The following CPEB4 variants were observed in gnomAD, a reference collection of about 807,000 sequenced individuals.
CPEB4 encodes cytoplasmic polyadenylation element binding protein 4, also known as cytoplasmic polyadenylation element-binding protein 4.
In CPEB4, 12 loss-of-function variants were observed where a neutral mutation model predicts 72.5. The observed-to-expected ratio is 0.17, with a 90% CI of 0.11 to 0.27. CPEB4 has a LOEUF of 0.27. Ranked by LOEUF, CPEB4 falls within the 10% of genes least tolerant of loss-of-function variation. CPEB4 has a pLI of 1.00. For synonymous variants in CPEB4, 302 were observed against 326.3 expected, an observed-to-expected ratio of 0.93 and a Z score of 0.80; for missense variants, 614 against 908.5, an observed-to-expected ratio of 0.68 and a Z score of 4.17.
chr5:173,937,960 G>A (rs778692943), intron 3 of CPEB4, among the ~76,000 whole-genome samples: 9 of 152,212 alleles, frequency 5.9e-5, no homozygotes, highest in Non-Finnish European at 1.3e-4. Context: ...TTTTGTGGCA[G>A]TGAGCCTATT....
At chr5:173,948,766 T>C (rs1323247731) in intron 5 of CPEB4, among the ~76,000 whole-genome samples, 1 of 152,154 alleles carries the variant, frequency 6.6e-6, no homozygotes, top group Non-Finnish European at 1.5e-5. Context: ...GGTGAGGGCC[T>C]GCTTCCTAAT....
At position 173,950,785 on chromosome 5, in the gene CPEB4, A is replaced by G. The variant is rs1464856582; in HGVS notation, c.1665+707A>G. 6.6e-6 allele frequency among the ~76,000 whole-genome samples: 1 copy of G among 152,152 alleles called. No individual in the cohort carries two copies. Among genetic ancestry groups the G allele is most frequent in the Non-Finnish European group, 1.5e-5 (1 of 68,020 alleles). ...TACCCAATATTATCCTTAACTTTAT[A>G]TATGGTACTCTCCAAAGTAGACTGA... On this transcript the variant is annotated intron_variant, in intron 7 of 9. Coordinates refer to ENST00000265085, the MANE Select transcript of CPEB4 (RefSeq NM_030627.4). This position sits in a 1 kb window ranked among gnomAD's most constrained non-coding sequence, Gnocchi z 5.0.
chr5:173,944,874 T>A (rs765265748), intron 4 of CPEB4, 93 bp from the exon 5 acceptor site: 45 of 1,088,712 alleles, frequency 4.1e-5, no homozygotes, highest in Non-Finnish European at 5.8e-5. Context: ...AAGCAGCAGT[T>A]TTATTGAATC....
chr5:173,937,378 G>C (rs1000863278), intron 3 of CPEB4, among the ~76,000 whole-genome samples: 13 of 152,112 alleles, frequency 8.5e-5, no homozygotes, highest in African/African-American at 2.9e-4. Flanking sequence ...GGAATGAAAA[G>C]AGGAAGATTG....
chr5:173,944,817 A>G, intron 4 of CPEB4, 150 bp from the exon 5 acceptor site: 1 of 643,276 alleles, frequency 1.6e-6, no homozygotes, highest in East Asian at 2.7e-5. Flanking sequence ...GTTGGTGGGA[A>G]TTCAAGAGTA....
chr5:173,936,902 A>G (rs1483568260), intron 3 of CPEB4, among the ~76,000 whole-genome samples: 2 of 151,816 alleles, frequency 1.3e-5, no homozygotes, highest in African/African-American at 4.8e-5. Flanking sequence ...GGCAGGAGAA[A>G]GTTATAGAGC....
chr5:173,946,005 A>G (rs765987756), intron 5 of CPEB4, among the ~76,000 whole-genome samples: 1 of 152,224 alleles, frequency 6.6e-6, no homozygotes, highest in Non-Finnish European at 1.5e-5. Flanking sequence ...AAATCACATT[A>G]TGGAGAATAG....
In CPEB4 at chr5:173,888,368, A is replaced by G. The variant is rs1581098750; in HGVS notation, c.-1366A>G. The G allele has an allele frequency of 4.5e-6, 2 of 443,768 alleles. No homozygotes were observed. The highest frequency in any genetic ancestry group is 7.0e-5 in the East Asian group (2 of 28,742). The allele number at this position is 443,768 out of a possible 1,614,324, so 27.5% of individuals were successfully genotyped here. ...CATTTCACTCGGCTCGGTCCTGAGG[A>G]GAAGGACTCAGCCGCGGCTGCGGGA... On this transcript the variant is annotated 5_prime_UTR_variant, in exon 1 of 10. Transcript: ENST00000265085. The surrounding 1 kb of genome is among the most constrained non-coding windows in gnomAD (Gnocchi z 4.3).
chr5:173,905,871 A>C (rs1372591278), intron 1 of CPEB4, among the ~76,000 whole-genome samples: 1 of 152,246 alleles, frequency 6.6e-6, no homozygotes, highest in East Asian at 1.9e-4. Flanking sequence ...GGACAGGGAC[A>C]TCAGAGATCC....
Position 173,960,400 on chromosome 5 carries a change from T to G in CPEB4, c.*4263T>G, listed in dbSNP as rs1758511379. On this transcript the variant is annotated 3_prime_UTR_variant, in exon 10 of 10. Coordinates refer to ENST00000265085, the MANE Select transcript of CPEB4 (RefSeq NM_030627.4). The stretch of plus-strand genomic sequence containing the variant: ...ACATTTTAAAATATTAGGAATATAC[T>G]GTTCAGCTAATGCAGCACAAACCAA... 6.5e-6 allele frequency: 1 copy of G among 152,690 alleles called. No homozygotes were observed. The highest frequency in any genetic ancestry group is 2.1e-4 in the South Asian group (1 of 4,832). The allele number at this position is 152,690 out of a possible 1,614,324, so 9.5% of individuals were successfully genotyped here.
rs568180902 is a variant in CPEB4, at chr5:173,930,819, C to G, written c.1208-1631C>G. On this transcript the variant is annotated intron_variant, in intron 2 of 9. Transcript: ENST00000265085. ...CTGGCTAACACAGTGAAACCCCGTC[C>G]CTACTAAAAATACAAAAAAATTAGC... Among the ~76,000 whole-genome samples the G allele has an allele frequency of 2.0e-5, 3 of 151,454 alleles. No individual in the cohort carries two copies. The South Asian group carries it at 6.3e-4, about 32-fold the overall frequency.
chr5:173,938,776 G>C (rs1443148214), intron 3 of CPEB4, among the ~76,000 whole-genome samples: 1 of 152,160 alleles, frequency 6.6e-6, no homozygotes, highest in Admixed American at 6.5e-5. Flanking sequence ...ATGTAGGAAA[G>C]TATGCTTTTG....
At chr5:173,908,510 T>A (rs1022123224) in intron 1 of CPEB4, among the ~76,000 whole-genome samples, 1 of 152,208 alleles carries the variant, frequency 6.6e-6, no homozygotes, top group Non-Finnish European at 1.5e-5. Context: ...GTCCCTGGAC[T>A]CCTCAAGTTG....
intron 5 of CPEB4, among the ~76,000 whole-genome samples, chr5:173,945,360 A>G (rs1384536248): frequency 2.0e-5 from 3 of 152,230 alleles, no homozygotes; most frequent in Non-Finnish European, 4.4e-5. Context: ...GGACTATATG[A>G]AAAGGAGTAA....
At chr5:173,921,151 G>A (rs1318752644) in intron 2 of CPEB4, among the ~76,000 whole-genome samples, 1 of 152,128 alleles carries the variant, frequency 6.6e-6, no homozygotes, top group Non-Finnish European at 1.5e-5. Flanking sequence ...ACATTTAAAG[G>A]TGTTGCTGAG....
At chr5:173,898,296 C>A (rs2113135496) in intron 1 of CPEB4, among the ~76,000 whole-genome samples, 1 of 152,062 alleles carries the variant, frequency 6.6e-6, no homozygotes, top group Non-Finnish European at 1.5e-5. Context: ...ATAGTTGCTG[C>A]CATTTTATTG....
intron 2 of CPEB4, among the ~76,000 whole-genome samples, chr5:173,928,385 C>T (rs1479700517): frequency 6.6e-6 from 1 of 152,064 alleles, no homozygotes; most frequent in Non-Finnish European, 1.5e-5. Flanking sequence ...ATGGGGTAAG[C>T]TATGCATATG....
chr5:173,888,422 C>A lies in CPEB4; in HGVS notation c.-1312C>A. On this transcript the variant is annotated 5_prime_UTR_variant, in exon 1 of 10. Coordinates refer to ENST00000265085, the MANE Select transcript of CPEB4 (RefSeq NM_030627.4). The surrounding 1 kb of genome is among the most constrained non-coding windows in gnomAD (Gnocchi z 4.3). ...GGGCACCGGGAGGCGGTGGCGGCGG[C>A]GGCGGCGGCAGCAGCGGCGACAGCA... 2.2e-6 allele frequency: 1 copy of A among 459,002 alleles called. No individual in the cohort carries two copies. The highest frequency in any genetic ancestry group is 3.8e-6 in the Non-Finnish European group (1 of 265,656). 28.4% of individuals were successfully genotyped at this position (459,002 alleles called of 1,614,324 possible).
At chr5:173,935,830 T>C (rs1757601337) in intron 3 of CPEB4, among the ~76,000 whole-genome samples, 1 of 152,176 alleles carries the variant, frequency 6.6e-6, no homozygotes, top group South Asian at 2.1e-4. Context: ...ATTGGACTAA[T>C]GTTGTAATTT....
Sources: allele counts gnomAD v4.1 joint callset (sites outside exome capture counted in the v4.1 genomes callset), GRCh38; gene constraint gnomAD v4.1.1; non-coding constraint Gnocchi (gnomAD v3.1); transcripts MANE v1.5; gene names NCBI Gene and HGNC (gene_info 2026-07-23, HGNC 2026-07-21).